The following RPS6KC1 variants were observed in gnomAD, a reference collection of about 807,000 sequenced individuals.
RPS6KC1 encodes ribosomal protein S6 kinase C1.
A neutral mutation model predicts 103.8 loss-of-function variants in RPS6KC1; 54 were observed. The ratio of observed to expected loss-of-function variants is 0.52; its 90% CI spans 0.42 to 0.65. RPS6KC1 has a LOEUF of 0.65. Ranked by LOEUF, RPS6KC1 falls within the 30% of genes least tolerant of loss-of-function variation. RPS6KC1 has a pLI of 0.00. For synonymous variants in RPS6KC1, 439 were observed against 438.7 expected, an observed-to-expected ratio of 1.00 and a Z score of -0.01; for missense variants, 1,151 against 1,253.8, an observed-to-expected ratio of 0.92 and a Z score of 1.24.
chr1:213,796,674 T>A, the RPS6KC1 span, among the ~76,000 whole-genome samples: 2 of 152,160 alleles, frequency 1.3e-5, no homozygotes, highest in Admixed American at 1.3e-4. Context: ...ATGTCTCATA[T>A]CCACTTTTGA....
intron 6 of RPS6KC1, among the ~76,000 whole-genome samples, chr1:213,150,512 ACTCTTAACG>A (rs1200238183): frequency 6.7e-6 from 1 of 149,424 alleles, no homozygotes; most frequent in Non-Finnish European, 1.5e-5. Context: ...AGTGGTGATG[ACTCTTAACG>A]AGCACGCTGC....
the RPS6KC1 span, among the ~76,000 whole-genome samples, chr1:213,596,164 G>A: frequency 2.6e-5 from 4 of 152,160 alleles, no homozygotes; most frequent in South Asian, 2.1e-4. Context: ...AAAGTAAACC[G>A]AAAAGACTTG....
At chr1:213,469,490 G>A in the RPS6KC1 span, among the ~76,000 whole-genome samples, 1 of 152,148 alleles carries the variant, frequency 6.6e-6, no homozygotes, top group African/African-American at 2.4e-5. Flanking sequence ...CTAGGGGTAG[G>A]AAAGAGGTGC....
At chr1:213,762,864 GT>G in the RPS6KC1 span, among the ~76,000 whole-genome samples, 1,835 of 140,684 alleles carry the variant, frequency 0.013, 25 homozygotes, top group African/African-American at 0.041. Flanking sequence ...ATTTTTTTAC[GT>G]TTTTTTTTTT....
chr1:213,366,850 T>A, the RPS6KC1 span, among the ~76,000 whole-genome samples: 3 of 152,236 alleles, frequency 2.0e-5, no homozygotes, highest in African/African-American at 7.2e-5. Flanking sequence ...TTCTTGCTGT[T>A]TCTCAGCCAA....
the RPS6KC1 span, chr1:213,817,750 C>T: frequency 6.6e-6 from 1 of 152,112 alleles, no homozygotes; most frequent in Admixed American, 6.5e-5. Flanking sequence ...TTCAGGCAGA[C>T]TGCATTTTAT....
At chr1:213,261,462 C>T in intron 12 of RPS6KC1, 96 bp from the exon 13 acceptor site, 1 of 1,083,978 alleles carries the variant, frequency 9.2e-7, no homozygotes. Context: ...TATATGCTCT[C>T]TCAGCATTAA....
intron 4 of RPS6KC1, among the ~76,000 whole-genome samples, chr1:213,113,778 G>T (rs541617854): frequency 6.6e-6 from 1 of 152,108 alleles, no homozygotes; most frequent in Non-Finnish European, 1.5e-5. Flanking sequence ...TTCTACATAT[G>T]GCTAGCCAGT....
chr1:213,807,783 G>A, the RPS6KC1 span, among the ~76,000 whole-genome samples: 1 of 152,232 alleles, frequency 6.6e-6, no homozygotes, highest in African/African-American at 2.4e-5. Flanking sequence ...TCTCATCAAA[G>A]TCATTCTCCA....
At chr1:213,478,598 T>C in the RPS6KC1 span, among the ~76,000 whole-genome samples, 3 of 152,306 alleles carry the variant, frequency 2.0e-5, no homozygotes, top group African/African-American at 7.2e-5. Flanking sequence ...TAATTTCTAA[T>C]TTCTTAATTA....
At chr1:213,699,060 A>C in the RPS6KC1 span, among the ~76,000 whole-genome samples, 4 of 152,076 alleles carry the variant, frequency 2.6e-5, no homozygotes. Flanking sequence ...AAACAGTCCA[A>C]TTATACTCTT....
the RPS6KC1 span, among the ~76,000 whole-genome samples, chr1:213,853,030 A>G: frequency 6.6e-6 from 1 of 151,988 alleles, no homozygotes; most frequent in Non-Finnish European, 1.5e-5. Context: ...TCTTCACTCT[A>G]TTTTGCATCT....
intron 6 of RPS6KC1, among the ~76,000 whole-genome samples, chr1:213,163,791 A>G (rs920856150): frequency 1.3e-5 from 2 of 152,164 alleles, no homozygotes; most frequent in African/African-American, 2.4e-5. Flanking sequence ...TCTCTTTTAC[A>G]TGGTATGACA....
the RPS6KC1 span, among the ~76,000 whole-genome samples, chr1:213,562,385 TTTTTTTTTTTTTTTTTTTTTTTG>T: frequency 2.2e-5 from 2 of 92,028 alleles, no homozygotes; most frequent in African/African-American, 9.6e-5. Flanking sequence ...TTTTTTTTTT[TTTTTTTTTTTTTTTTTTTTTTTG>T]AGACGGAGTC....
the RPS6KC1 span, among the ~76,000 whole-genome samples, chr1:213,756,281 A>T: frequency 6.6e-6 from 1 of 152,192 alleles, no homozygotes; most frequent in Non-Finnish European, 1.5e-5. Context: ...TGCAATCTTA[A>T]CTTAATCTCC....
chr1:213,065,242 T>C (rs1051973878), intron 1 of RPS6KC1, among the ~76,000 whole-genome samples: 1 of 152,196 alleles, frequency 6.6e-6, no homozygotes, highest in Non-Finnish European at 1.5e-5. Context: ...CCCAAAGTGC[T>C]GGGATTACAG....
At chr1:213,315,788 C>G in the RPS6KC1 span, among the ~76,000 whole-genome samples, 48 of 152,274 alleles carry the variant, frequency 3.2e-4, no homozygotes, top group South Asian at 2.3e-3. Context: ...AAATGGGACT[C>G]ATGATACCTG....
chr1:213,187,393 C>T (rs967640322), intron 8 of RPS6KC1, among the ~76,000 whole-genome samples: 2 of 151,400 alleles, frequency 1.3e-5, no homozygotes, highest in African/African-American at 4.9e-5. Flanking sequence ...TACAGACATG[C>T]GCCACTATGC....
chr1:213,852,647 A>G, the RPS6KC1 span, among the ~76,000 whole-genome samples: 1 of 152,186 alleles, frequency 6.6e-6, no homozygotes, highest in East Asian at 1.9e-4. Flanking sequence ...TTTATTGAAA[A>G]ACCATTTTTA....
Sources: gnomAD v4.1 joint callset for allele counts (sites outside exome capture counted in the v4.1 genomes callset) on GRCh38, gnomAD v4.1.1 for gene constraint, MANE v1.5 for transcripts, NCBI Gene and HGNC (gene_info 2026-07-23, HGNC 2026-07-21) for gene names.